The following KCNMB2 variants were observed in gnomAD, a reference collection of about 807,000 sequenced individuals.
The protein encoded by KCNMB2 is calcium-activated potassium channel subunit beta-2.
A neutral mutation model predicts 24.5 loss-of-function variants in KCNMB2; 9 were observed. The observed-to-expected ratio is 0.37, with a 90% CI of 0.22 to 0.64. The LOEUF is 0.64. Ranked by LOEUF, KCNMB2 falls within the 30% of genes least tolerant of loss-of-function variation. The pLI, the probability that KCNMB2 is intolerant of heterozygous loss-of-function variation, is 0.63. For missense variants in KCNMB2, 226 were observed against 284.3 expected (o/e 0.79, Z 1.47); for synonymous variants, 109 against 104.4 (o/e 1.04, Z -0.27).
chr3:178,612,029 A>C (rs932509487), intron 1 of KCNMB2, among the ~76,000 whole-genome samples: 1 of 152,062 alleles, frequency 6.6e-6, no homozygotes, highest in Non-Finnish European at 1.5e-5. Flanking sequence ...TCAAGAATAT[A>C]TTGTTTCATT....
At chr3:178,692,651 G>A (rs6788360) in intron 1 of KCNMB2, among the ~76,000 whole-genome samples, 11,446 of 152,204 alleles carry the variant, frequency 0.075, 568 homozygotes, top group Middle Eastern at 0.22. Flanking sequence ...CTTCAACTCT[G>A]TAGTATAGTT....
intron 1 of KCNMB2, among the ~76,000 whole-genome samples, chr3:178,736,561 C>T (rs929393808): frequency 6.6e-6 from 1 of 152,134 alleles, no homozygotes; most frequent in Non-Finnish European, 1.5e-5. Context: ...CCTCTGCCCA[C>T]GCTGTAACCG....
chr3:178,601,998 T>G (rs6768932), intron 1 of KCNMB2, among the ~76,000 whole-genome samples: 17,969 of 152,230 alleles, frequency 0.12, 1,205 homozygotes, highest in Middle Eastern at 0.24. Context: ...TCTCTATAAT[T>G]AATAACAGGC....
chr3:178,758,502 ATATATATATC>A (rs1338652102), intron 1 of KCNMB2, among the ~76,000 whole-genome samples: 1 of 53,512 alleles, frequency 1.9e-5, no homozygotes, highest in Non-Finnish European at 3.2e-5. Flanking sequence ...TGATATATAT[ATATATATATC>A]TCCAAGAGGA....
chr3:178,660,575 G>A (rs1720490483), intron 1 of KCNMB2, among the ~76,000 whole-genome samples: 1 of 152,102 alleles, frequency 6.6e-6, no homozygotes. Flanking sequence ...CCATGCCCTG[G>A]TAACAGTTAT....
chr3:178,825,672 T>G lies in KCNMB2; in HGVS notation c.141T>G (p.Ala47=). 1 of 1,614,012 alleles carries G rather than the reference T, an allele frequency of 6.2e-7. No homozygotes were observed. Among genetic ancestry groups the G allele is most frequent in the South Asian group, 1.1e-5 (1 of 91,078 alleles). ...VTALKAGEDR[A]ILLGLAMMVC... ...CACTGAAGGCAGGAGAGGACCGAGC[T>G]ATTCTCCTGGGACTGGCTATGATGG... is the stretch of plus-strand genomic sequence containing the variant. Residue 47 remains alanine (A), a synonymous_variant, in exon 3 of 5, where the codon GCT becomes GCG. Coordinates refer to ENST00000452583, the MANE Select transcript of KCNMB2 (RefSeq NM_181361.3).
chr3:178,766,363 TTTTA>T (rs1271245020), intron 1 of KCNMB2, among the ~76,000 whole-genome samples: 2 of 152,092 alleles, frequency 1.3e-5, no homozygotes, highest in Non-Finnish European at 1.5e-5. Context: ...CTGGTTATTT[TTTTA>T]TTTTTTTATG....
intron 1 of KCNMB2, among the ~76,000 whole-genome samples, chr3:178,684,655 C>T (rs1721396541): frequency 6.6e-6 from 1 of 152,010 alleles, no homozygotes; most frequent in African/African-American, 2.4e-5. Flanking sequence ...TGGAGAAACC[C>T]CGTCTCTACT....
At chr3:178,749,367 G>C (rs1030033704) in intron 1 of KCNMB2, 4 of 152,154 alleles carry the variant, frequency 2.6e-5, no homozygotes, top group Non-Finnish European at 4.4e-5. Flanking sequence ...CATTTCAACT[G>C]GTAACACCTA....
chr3:178,825,509 TG>T, intron 2 of KCNMB2, 78 bp from the exon 3 acceptor site: 2 of 1,254,090 alleles, frequency 1.6e-6, no homozygotes, highest in Non-Finnish European at 2.3e-6. Context: ...TAGGAAGGCA[TG>T]GGCAGAAACT....
intron 1 of KCNMB2, among the ~76,000 whole-genome samples, chr3:178,610,434 G>A (rs1718441622): frequency 6.6e-6 from 1 of 151,848 alleles, no homozygotes; most frequent in Non-Finnish European, 1.5e-5. Context: ...TCCTTAATCA[G>A]CGTTTTACAG....
chr3:178,648,744 A>G (rs1429840032), intron 1 of KCNMB2, among the ~76,000 whole-genome samples: 1 of 152,278 alleles, frequency 6.6e-6, no homozygotes, highest in African/African-American at 2.4e-5. Flanking sequence ...AATAAACATC[A>G]ACTCCATATA....
chr3:178,793,736 C>T (rs1188000351), intron 1 of KCNMB2, among the ~76,000 whole-genome samples: 1 of 152,136 alleles, frequency 6.6e-6, no homozygotes, highest in Non-Finnish European at 1.5e-5. Context: ...ATGGGGCTAT[C>T]AGGGATCCAA....
At chr3:178,585,229 C>T (rs569270055) in intron 1 of KCNMB2, among the ~76,000 whole-genome samples, 2 of 152,328 alleles carry the variant, frequency 1.3e-5, no homozygotes, top group Non-Finnish European at 1.5e-5. Flanking sequence ...TTAAGAACAG[C>T]ATCATCATAA....
chr3:178,820,828 A>G (rs1035105039), intron 2 of KCNMB2: 1 of 152,244 alleles, frequency 6.6e-6, no homozygotes, highest in Non-Finnish European at 1.5e-5. Context: ...AGATTTATTA[A>G]TAACTTCTAT....
chr3:178,600,398 G>A (rs936508431), intron 1 of KCNMB2, among the ~76,000 whole-genome samples: 22 of 152,236 alleles, frequency 1.4e-4, no homozygotes, highest in Non-Finnish European at 3.1e-4. Flanking sequence ...ATCTCTTTAA[G>A]ACCCTTCAAT....
At chr3:178,627,783 T>C (rs1719173763) in intron 1 of KCNMB2, among the ~76,000 whole-genome samples, 1 of 152,202 alleles carries the variant, frequency 6.6e-6, no homozygotes, top group African/African-American at 2.4e-5. Flanking sequence ...AAGTTGTCGC[T>C]TCTCAAAGAC....
chr3:178,571,451 T>G (rs1287801506), intron 1 of KCNMB2, among the ~76,000 whole-genome samples: 2 of 35,138 alleles, frequency 5.7e-5, no homozygotes, highest in African/African-American at 5.7e-4. Context: ...CTTATGGATA[T>G]ATATATATAT....
intron 1 of KCNMB2, among the ~76,000 whole-genome samples, chr3:178,770,110 C>T (rs75991879): frequency 9.4e-4 from 143 of 152,312 alleles, no homozygotes; most frequent in African/African-American, 3.3e-3. Context: ...ACCTATAGGG[C>T]TGTTTCTGCA....
Sources: allele counts gnomAD v4.1 joint callset (sites outside exome capture counted in the v4.1 genomes callset), GRCh38; gene constraint gnomAD v4.1.1; transcripts MANE v1.5; gene names NCBI Gene and HGNC (gene_info 2026-07-23, HGNC 2026-07-21).